Variants in RELN observed in about 807,000 individuals in gnomAD.
RELN encodes the protein reelin.
A neutral mutation model predicts 427.6 loss-of-function variants in RELN; 108 were observed. That is an observed-to-expected ratio of 0.25 (90% CI 0.22 to 0.30). RELN has a LOEUF of 0.30. RELN is among the 10% of genes least tolerant of loss of function. The probability of loss-of-function intolerance (pLI) is 1.00; values close to 1 mark genes in which losing one functional copy is unlikely to be tolerated. For missense variants in RELN, 3,715 were observed against 4,302.8 expected (o/e 0.86, Z 3.82); for synonymous variants, 1,524 against 1,513.4 (o/e 1.01, Z -0.16).
At chr7:103,618,116 C>T (rs551727271) in intron 20 of RELN, among the ~76,000 whole-genome samples, 9 of 152,378 alleles carry the variant, frequency 5.9e-5, no homozygotes, top group African/African-American at 2.2e-4. Context: ...TTTATAGGAA[C>T]ACAAATGAAC....
At chr7:103,916,416 A>T (rs911813841) in intron 2 of RELN, among the ~76,000 whole-genome samples, 1 of 152,122 alleles carries the variant, frequency 6.6e-6, no homozygotes, top group Admixed American at 6.6e-5. Context: ...TGCATTTTTG[A>T]TGCTGTGAAG....
At chr7:103,952,007 C>T in intron 1 of RELN, among the ~76,000 whole-genome samples, 1 of 152,190 alleles carries the variant, frequency 6.6e-6, no homozygotes, top group Non-Finnish European at 1.5e-5. Context: ...GCCCTTAAAT[C>T]AAAAAGTCTG....
chr7:103,813,327 G>A (rs915021197), intron 3 of RELN, among the ~76,000 whole-genome samples: 3 of 150,400 alleles, frequency 2.0e-5, no homozygotes, highest in Admixed American at 1.3e-4. Flanking sequence ...AGTGCTTTGT[G>A]TCCTTACAGT....
At chr7:103,949,654 T>C (rs1796296419) in intron 1 of RELN, among the ~76,000 whole-genome samples, 1 of 152,102 alleles carries the variant, frequency 6.6e-6, no homozygotes, top group South Asian at 2.1e-4. Flanking sequence ...TACAGTAATT[T>C]ATTACAGCAG....
intron 1 of RELN, among the ~76,000 whole-genome samples, chr7:103,973,930 A>T (rs1584412896): frequency 6.6e-6 from 1 of 152,146 alleles, no homozygotes; most frequent in African/African-American, 2.4e-5. Context: ...ATCACCTGAG[A>T]TTAGGAGTTC....
At chr7:103,719,171 C>T (rs1790013176) in intron 8 of RELN, among the ~76,000 whole-genome samples, 1 of 152,154 alleles carries the variant, frequency 6.6e-6, no homozygotes. Flanking sequence ...TGAGCTGATA[C>T]AGATTAGTCT....
chr7:103,944,812 T>TG (rs2116746199), intron 1 of RELN, among the ~76,000 whole-genome samples: 1 of 152,252 alleles, frequency 6.6e-6, no homozygotes, highest in East Asian at 1.9e-4. Flanking sequence ...CTGAAAATCC[T>TG]GACACTGGCT....
intron 1 of RELN, among the ~76,000 whole-genome samples, chr7:103,943,199 C>A (rs1204585941): frequency 2.0e-5 from 3 of 152,092 alleles, no homozygotes; most frequent in African/African-American, 7.2e-5. Context: ...TGCTCCCTTG[C>A]TAGAAAGAAG....
At chr7:103,488,849 G>T (rs1828540084) in intron 60 of RELN, among the ~76,000 whole-genome samples, 1 of 152,078 alleles carries the variant, frequency 6.6e-6, no homozygotes, top group African/African-American at 2.4e-5. Flanking sequence ...TAACTGATGG[G>T]GATATCATAG....
intron 2 of RELN, among the ~76,000 whole-genome samples, chr7:103,907,026 CAA>C (rs2116637956): frequency 6.6e-6 from 1 of 152,154 alleles, no homozygotes; most frequent in Admixed American, 6.5e-5. Context: ...CACTAAACAA[CAA>C]AAGACATATC....
chr7:103,747,368 C>CA (rs200959054), intron 6 of RELN, among the ~76,000 whole-genome samples: 4,801 of 151,950 alleles, frequency 0.032, 262 homozygotes, highest in African/African-American at 0.11. Flanking sequence ...ATATGTGTAA[C>CA]AAACCTGCAC....
chr7:103,761,396 A>G (rs1791294540), intron 4 of RELN, among the ~76,000 whole-genome samples: 1 of 152,220 alleles, frequency 6.6e-6, no homozygotes, highest in East Asian at 1.9e-4. Context: ...TACAAGTTTT[A>G]AGTGAAAAAT....
intron 2 of RELN, among the ~76,000 whole-genome samples, chr7:103,912,157 C>T (rs897901141): frequency 7.4e-5 from 11 of 147,790 alleles, no homozygotes; most frequent in Non-Finnish European, 1.5e-4. Flanking sequence ...CTGTTCACTA[C>T]ATTCCCCCCC....
At chr7:103,871,274 C>A (rs1168954839) in intron 2 of RELN, among the ~76,000 whole-genome samples, 2 of 151,582 alleles carry the variant, frequency 1.3e-5, no homozygotes, top group Non-Finnish European at 2.9e-5. Flanking sequence ...ATGAAAGAAA[C>A]CACTTTTCAT....
At position 103,948,598 on chromosome 7, in the gene RELN, G is replaced by A. The variant is rs554770918; in HGVS notation, c.227-31413C>T. 1.2e-4 allele frequency among the ~76,000 whole-genome samples: 18 copies of A among 152,168 alleles called. No individual in the cohort carries two copies. The South Asian group carries it at 2.3e-3, about 19-fold the overall frequency. On this transcript the variant is annotated intron_variant, in intron 1 of 64. Coordinates refer to ENST00000428762, the MANE Select transcript of RELN (RefSeq NM_005045.4). The stretch of plus-strand genomic sequence containing the variant: ...TGAGGCAGGAGAATTGCTTGAACCC[G>A]GGAGGCGGAGGTTGCAGTGAGCTGA...
Position 103,569,498 on chromosome 7 carries a change from A to G in RELN, c.4588+2686T>C, listed in dbSNP as rs1358738079. On this transcript the variant is annotated intron_variant, in intron 31 of 64. Transcript: ENST00000428762. The surrounding 1 kb of genome is among the most constrained non-coding windows in gnomAD (Gnocchi z 4.0). ...AATTTGTTATGTAGCATACCACTCC[A>G]ATCCTACTAAATCTAAATTTGCATT... Among the ~76,000 whole-genome samples the G allele has an allele frequency of 6.6e-6, 1 of 152,220 alleles. No individual in the cohort carries two copies. The highest frequency in any genetic ancestry group is 1.5e-5 in the Non-Finnish European group (1 of 68,036).
chr7:103,532,991 A>G (rs966613398), intron 46 of RELN, among the ~76,000 whole-genome samples: 2 of 152,250 alleles, frequency 1.3e-5, no homozygotes, highest in Non-Finnish European at 2.9e-5. Context: ...GGCCTAGCAC[A>G]TAATTAAGCA....
chr7:103,580,681 G>A (rs993121630), intron 28 of RELN, among the ~76,000 whole-genome samples: 6 of 152,140 alleles, frequency 3.9e-5, no homozygotes, highest in African/African-American at 1.2e-4. Context: ...CCCATCACCT[G>A]AGCAGTGATC....
Position 103,806,824 on chromosome 7 carries a change from T to G in RELN, c.473+26713A>C, listed in dbSNP as rs369476614. ...TAGAGTCAGTATAATCCTTTCAAGA[T>G]AGATGAAGCCAGGAAAAGAGCCTCT... On this transcript the variant is annotated intron_variant, in intron 3 of 64. Transcript: ENST00000428762. 4.6e-5 allele frequency among the ~76,000 whole-genome samples: 7 copies of G among 152,302 alleles called. 1 individual carries two copies. The East Asian group carries it at 1.4e-3, about 29-fold the overall frequency.
Sources: gnomAD v4.1 joint callset for allele counts (sites outside exome capture counted in the v4.1 genomes callset) on GRCh38, gnomAD v4.1.1 for gene constraint, Gnocchi (gnomAD v3.1) non-coding constraint, MANE v1.5 for transcripts, NCBI Gene and HGNC (gene_info 2026-07-23, HGNC 2026-07-21) for gene names.